RBFOX1: variants seen among roughly 807,000 people sequenced by gnomAD.
RBFOX1 encodes the protein RNA binding protein fox-1 homolog 1.
Under a neutral mutation model 57.7 loss-of-function variants are expected in RBFOX1, and 8 were observed. The ratio of observed to expected loss-of-function variants is 0.14; its 90% confidence interval spans 0.08 to 0.25. RBFOX1 has a LOEUF of 0.25. Ranked by LOEUF, RBFOX1 falls within the 10% of genes least tolerant of loss-of-function variation. The probability of loss-of-function intolerance (pLI) is 1.00; values close to 1 mark genes in which losing one functional copy is unlikely to be tolerated. For synonymous variants in RBFOX1, 326 were observed against 222.4 expected, an observed-to-expected ratio of 1.47 and a Z score of -4.15; for missense variants, 611 against 548.5, an observed-to-expected ratio of 1.11 and a Z score of -1.14.
intron 1 of RBFOX1, among the ~76,000 whole-genome samples, chr16:6,221,256 C>T (rs1195750357): frequency 6.6e-6 from 1 of 152,148 alleles, no homozygotes; most frequent in East Asian, 1.9e-4. Flanking sequence ...ACATCCTCAC[C>T]AGCCTTGGGT....
intron 11 of RBFOX1, among the ~76,000 whole-genome samples, chr16:7,651,236 A>T (rs1181257897): frequency 6.6e-6 from 1 of 152,188 alleles, no homozygotes; most frequent in Non-Finnish European, 1.5e-5. Flanking sequence ...AGAATTCCAG[A>T]TAATAGCCAT....
At chr16:6,676,805 A>T (rs2057792127) in intron 3 of RBFOX1, among the ~76,000 whole-genome samples, 1 of 149,794 alleles carries the variant, frequency 6.7e-6, no homozygotes, top group Non-Finnish European at 1.5e-5. Context: ...CCTCCCTAGT[A>T]GCTGGGATTA....
intron 1 of RBFOX1, among the ~76,000 whole-genome samples, chr16:6,237,978 C>G (rs971888030): frequency 6.6e-6 from 1 of 150,764 alleles, no homozygotes; most frequent in African/African-American, 2.4e-5. Context: ...GTAGTCCCAG[C>G]TACTCGGGAG....
chr16:6,739,437 C>G (rs140371246), intron 3 of RBFOX1, among the ~76,000 whole-genome samples: 2 of 152,172 alleles, frequency 1.3e-5, no homozygotes, highest in East Asian at 1.9e-4. Context: ...TTGAATGACC[C>G]TATAACTATT....
intron 1 of RBFOX1, among the ~76,000 whole-genome samples, chr16:5,329,451 G>A (rs182558854): frequency 6.6e-6 from 1 of 152,190 alleles, no homozygotes; most frequent in African/African-American, 2.4e-5. Flanking sequence ...CACCAAAGGG[G>A]AAATCTGCCC....
At chr16:6,715,273 T>C (rs1388950137) in intron 3 of RBFOX1, among the ~76,000 whole-genome samples, 2 of 152,142 alleles carry the variant, frequency 1.3e-5, no homozygotes, top group African/African-American at 4.8e-5. Flanking sequence ...AAAGTTTTTT[T>C]TTTTTCTTTT....
At chr16:7,282,031 A>T (rs1568020006) in intron 4 of RBFOX1, among the ~76,000 whole-genome samples, 1 of 150,814 alleles carries the variant, frequency 6.6e-6, no homozygotes, top group Non-Finnish European at 1.5e-5. Flanking sequence ...ACGCCTGGCA[A>T]TTTTTTTTTG....
chr16:5,360,617 A>T (rs971221562), intron 1 of RBFOX1, among the ~76,000 whole-genome samples: 1 of 152,182 alleles, frequency 6.6e-6, no homozygotes, highest in Non-Finnish European at 1.5e-5. Flanking sequence ...GGGGGTAAAA[A>T]TTAGAGTCTT....
chr16:7,149,298 G>C (rs545903170), intron 4 of RBFOX1, among the ~76,000 whole-genome samples: 1 of 152,168 alleles, frequency 6.6e-6, no homozygotes, highest in South Asian at 2.1e-4. Context: ...GTTGGCAGTA[G>C]TCATACCACT....
chr16:7,311,763 T>C (rs535664889), intron 4 of RBFOX1, among the ~76,000 whole-genome samples: 1 of 152,280 alleles, frequency 6.6e-6, no homozygotes, highest in Non-Finnish European at 1.5e-5. Flanking sequence ...CCCAGATCTA[T>C]TTAGAGCCAG....
rs1026071376 is a variant in RBFOX1, at chr16:5,430,224, A to G, written c.220-36992A>G. On this transcript the variant is annotated intron_variant, in intron 1 of 2. Transcript: ENST00000585867. ...AGCAGATAATGACACAGCTAATTAC[A>G]GCTGTGGCCATTGCAGGAAATGGCA... Among the ~76,000 whole-genome samples, 3 of 152,284 alleles carry G rather than the reference A, an allele frequency of 2.0e-5. No individual in the cohort carries two copies. The East Asian group carries it at 5.8e-4, about 29-fold the overall frequency.
At chr16:6,938,741 G>T (rs577907225) in intron 3 of RBFOX1, among the ~76,000 whole-genome samples, 2 of 152,216 alleles carry the variant, frequency 1.3e-5, no homozygotes, top group East Asian at 3.9e-4. Context: ...AAACCAGTTT[G>T]GCTGTCAGGG....
chr16:6,486,894 C>T (rs1285432302), intron 2 of RBFOX1, among the ~76,000 whole-genome samples: 2 of 151,932 alleles, frequency 1.3e-5, no homozygotes, highest in South Asian at 2.1e-4. Flanking sequence ...TTAATTAAAT[C>T]ATAGATAATC....
chr16:5,661,588 G>A (rs1434748518), intron 3 of RBFOX1, among the ~76,000 whole-genome samples: 2 of 152,108 alleles, frequency 1.3e-5, no homozygotes, highest in Non-Finnish European at 2.9e-5. Context: ...TAAGGTATAC[G>A]GTGTAATGAT....
At chr16:6,295,062 C>A (rs2077924222) in intron 1 of RBFOX1, among the ~76,000 whole-genome samples, 2 of 151,436 alleles carry the variant, frequency 1.3e-5, no homozygotes, top group South Asian at 4.2e-4. Flanking sequence ...TCTCTCTCCT[C>A]CAAGTCCATT....
At chr16:5,920,941 T>C (rs539362975) in intron 4 of RBFOX1, among the ~76,000 whole-genome samples, 2 of 95,122 alleles carry the variant, frequency 2.1e-5, no homozygotes, top group Admixed American at 2.4e-4. Context: ...ACATGTGCCG[T>C]GCAAGGCTAC....
chr16:6,215,460 G>C (rs2097330022), intron 1 of RBFOX1, among the ~76,000 whole-genome samples: 1 of 150,902 alleles, frequency 6.6e-6, no homozygotes, highest in Non-Finnish European at 1.5e-5. Flanking sequence ...AAGGAAGAGA[G>C]GGAGAGGGGG....
chr16:7,220,845 C>T (rs756328308), intron 4 of RBFOX1, among the ~76,000 whole-genome samples: 1 of 152,010 alleles, frequency 6.6e-6, no homozygotes, highest in Non-Finnish European at 1.5e-5. Flanking sequence ...CTCTATCCAC[C>T]CTTAACATCC....
At chr16:5,893,727 A>G (rs1396963867) in intron 4 of RBFOX1, among the ~76,000 whole-genome samples, 1 of 151,464 alleles carries the variant, frequency 6.6e-6, no homozygotes, top group Non-Finnish European at 1.5e-5. Flanking sequence ...AATTGCTTGA[A>G]CCCAGGAAGC....
Sources: allele counts gnomAD v4.1 joint callset (sites outside exome capture counted in the v4.1 genomes callset), GRCh38; gene constraint gnomAD v4.1.1; transcripts MANE v1.5; gene names NCBI Gene and HGNC (gene_info 2026-07-23, HGNC 2026-07-21).